Variants in LTBP2 observed in about 807,000 individuals in gnomAD.
The protein encoded by LTBP2 is latent-transforming growth factor beta-binding protein 2.
A neutral mutation model predicts 210.6 loss-of-function variants in LTBP2; 103 were observed. The ratio of observed to expected loss-of-function variants is 0.49; its 90% CI spans 0.42 to 0.58. The LOEUF (loss-of-function observed/expected upper bound fraction) is 0.58, where lower values mean the gene tolerates loss of function less well. Ranked by LOEUF, LTBP2 falls within the 20% of genes least tolerant of loss-of-function variation. The pLI, the probability that LTBP2 is intolerant of heterozygous loss-of-function variation, is 0.00. For synonymous variants in LTBP2, 1,007 were observed against 1,015.0 expected, an observed-to-expected ratio of 0.99 and a Z score of 0.15; for missense variants, 2,313 against 2,494.5, an observed-to-expected ratio of 0.93 and a Z score of 1.55.
intron 3 of LTBP2, among the ~76,000 whole-genome samples, chr14:74,583,819 A>G (rs1443345147): frequency 6.6e-6 from 1 of 152,228 alleles, no homozygotes; most frequent in Non-Finnish European, 1.5e-5. Context: ...AGTCCCTGTG[A>G]GCTCCCGGGT....
chr14:74,566,360 G>T (rs1290376911), intron 3 of LTBP2, among the ~76,000 whole-genome samples: 1 of 152,204 alleles, frequency 6.6e-6, no homozygotes, highest in African/African-American at 2.4e-5. Flanking sequence ...CTAGGAGAAA[G>T]CTCCAAGAGA....
intron 13 of LTBP2, 79 bp downstream of exon 13, chr14:74,527,268 C>G (rs1353984572): frequency 2.0e-5 from 30 of 1,534,026 alleles, no homozygotes; most frequent in Non-Finnish European, 2.6e-5. Context: ...TCATGAGACA[C>G]TGCCCTGGGG....
In LTBP2 at chr14:74,511,358, T is replaced by C; in HGVS notation, c.2915A>G (p.Asn972Ser). 1.2e-6 allele frequency: 2 copies of C among 1,614,050 alleles called. No homozygotes were observed. The highest frequency in any genetic ancestry group is 1.7e-6 in the Non-Finnish European group (2 of 1,179,986). ...GCAGGTACCGGGGTGACGGCATTCG[T>C]TGATATCTGCAAAACAGCAGCCCCT... Reference protein sequence around the residue: ...MVRKGHCQDINECRHPGTCPD... With the variant: ...MVRKGHCQDISECRHPGTCPD... The change falls in exon 19 of 36, where the codon AAC (asparagine) becomes AGC (serine). Residue 972 changes from asparagine to serine, a missense_variant. Asn to Ser is a conservative substitution (Grantham distance 46). This residue lies in a region of LTBP2 where 1,867 missense variants were observed against 1,976.9 expected (regional missense o/e 0.94). Transcript: ENST00000261978.
At chr14:74,556,706 C>T (rs1373510112) in intron 3 of LTBP2, among the ~76,000 whole-genome samples, 1 of 152,148 alleles carries the variant, frequency 6.6e-6, no homozygotes, top group African/African-American at 2.4e-5. Context: ...TTAGTAGAGA[C>T]AAGATTTTGC....
rs1464520181 is a variant in LTBP2 at position 74,611,525 on chromosome 14, C to A, written c.420G>T (p.Pro140=). 3.9e-6 allele frequency: 6 copies of A among 1,544,770 alleles called. No homozygotes were observed. In the South Asian group the frequency reaches 4.8e-5, roughly 12 times the overall value. Residue 140 remains proline (P), a synonymous_variant, in exon 1 of 36, where the codon CCG becomes CCT. Transcript: ENST00000261978. The stretch of plus-strand genomic sequence containing the variant: ...GTGGGGTCCCCAGGCGTGGGAGAGC[C>A]GGCGCGGCCCGGGTCCGGGGTGCTG... ...QQPAPRTRAA[P]ALPRLGTPQR...
intron 2 of LTBP2, among the ~76,000 whole-genome samples, chr14:74,597,198 C>T (rs2088378457): frequency 2.0e-5 from 3 of 152,218 alleles, no homozygotes; most frequent in Admixed American, 2.0e-4. Flanking sequence ...GCATTTGGCA[C>T]ATCCAGGCAG....
Position 74,611,684 on chromosome 14 carries a change from C to T in LTBP2, c.261G>A (p.Arg87=). 1.3e-6 allele frequency: 2 copies of T among 1,575,324 alleles called. No individual in the cohort carries two copies. Among genetic ancestry groups the T allele is most frequent in the South Asian group, 1.1e-5 (1 of 87,874 alleles). The change falls in exon 1 of 36, where the codon CGG becomes CGA. Residue 87 remains arginine, a synonymous_variant. Transcript: ENST00000261978. ...APVAGLQPVE[R]AQPGWGSPRR... Reference sequence around the variant, plus strand: ...TGGGGCTCCCCCAGCCCGGCTGGGCCCGCTCCACGGGCTGCAAGCCCGCGA... The same window carrying T: ...TGGGGCTCCCCCAGCCCGGCTGGGCTCGCTCCACGGGCTGCAAGCCCGCGA...
At chr14:74,582,393 TACATACACACACAC>T (rs1190920740) in intron 3 of LTBP2, among the ~76,000 whole-genome samples, 4 of 87,518 alleles carry the variant, frequency 4.6e-5, no homozygotes, top group African/African-American at 1.9e-4. Context: ...CACACACACA[TACATACACACACAC>T]ACACACACAC....
At chr14:74,537,257 AG>A (rs2087433518) in intron 8 of LTBP2, among the ~76,000 whole-genome samples, 1 of 152,178 alleles carries the variant, frequency 6.6e-6, no homozygotes, top group African/African-American at 2.4e-5. Context: ...CCTCTTGAAA[AG>A]CTCTAGCAGG....
At chr14:74,574,894 G>A (rs1182300507) in intron 3 of LTBP2, among the ~76,000 whole-genome samples, 1 of 152,234 alleles carries the variant, frequency 6.6e-6, no homozygotes. Flanking sequence ...GTAGAAAGCA[G>A]ACACCATTTC....
At chr14:74,503,042 C>T (rs1265142185) in intron 33 of LTBP2, 108 bp from the exon 34 acceptor site, 31 of 1,513,416 alleles carry the variant, frequency 2.0e-5, no homozygotes, top group Non-Finnish European at 2.6e-5. Flanking sequence ...CTGGGAGATC[C>T]TGGCAACATT....
At chr14:74,550,882 A>C (rs1011390857) in intron 7 of LTBP2, among the ~76,000 whole-genome samples, 182 bp downstream of exon 7, 2 of 152,218 alleles carry the variant, frequency 1.3e-5, no homozygotes, top group African/African-American at 4.8e-5. Context: ...CCCAGGAAGG[A>C]GGCCCAGACT....
chr14:74,552,173 G>A lies in LTBP2; in HGVS notation c.1399+14C>T. The A allele has an allele frequency of 6.3e-7, 1 of 1,587,290 alleles. No individual in the cohort carries two copies. Reference sequence around the variant, plus strand: ...CTCCCAGGGTCCCGCCGGCCCAGCTGTGCCGGCACTCACCCAGCTGGTTGG... The same window carrying A: ...CTCCCAGGGTCCCGCCGGCCCAGCTATGCCGGCACTCACCCAGCTGGTTGG... On this transcript the variant is annotated intron_variant, in intron 6 of 35. Transcript: ENST00000261978.
At chr14:74,603,592 C>T (rs374846651) in intron 2 of LTBP2, 43 bp downstream of exon 2, 14 of 1,604,036 alleles carry the variant, frequency 8.7e-6, no homozygotes, top group South Asian at 3.3e-5. Context: ...TGGCACTTCA[C>T]GTTTGATAGA....
At chr14:74,534,347 G>A (rs546491392) in intron 9 of LTBP2, among the ~76,000 whole-genome samples, 54 of 152,308 alleles carry the variant, frequency 3.5e-4, no homozygotes, top group African/African-American at 1.2e-3. Context: ...GGCATCTCCC[G>A]TGTGTACACA....
In LTBP2 at chr14:74,508,963, A is replaced by G. The variant is rs2087030759; in HGVS notation, c.3404-11T>C. On this transcript the variant is annotated splice_polypyrimidine_tract_variant and intron_variant, in intron 22 of 35. Coordinates refer to ENST00000261978, the MANE Select transcript of LTBP2 (RefSeq NM_000428.3). ...CACATTCATCCACATCTGCAGGGCC[A>G]CACAGGGGAGGAAGACAGCCGATGG... 6.2e-7 allele frequency: 1 copy of G among 1,613,006 alleles called. No homozygotes were observed. The highest frequency in any genetic ancestry group is 1.7e-5 in the Admixed American group (1 of 59,996).
In LTBP2 at chr14:74,506,151, G is replaced by A. The variant is rs150801446; in HGVS notation, c.4074C>T (p.Ala1358=). 21 of 1,614,198 alleles carry A rather than the reference G, an allele frequency of 1.3e-5. No individual in the cohort carries two copies. The highest frequency in any genetic ancestry group is 5.3e-5 in the African/African-American group (4 of 75,046). ...ECELMLAVCG[A]ALCENVEGSF... ...AGCCCTCCACGTTCTCACAGAGCGC[G>A]GCCCCACATACCGCCAGCATAAGCT... The change falls in exon 28 of 36, where the codon GCC becomes GCT. Residue 1358 remains alanine, a synonymous_variant. Transcript: ENST00000261978.
At chr14:74,546,088 A>T (rs2087571966) in intron 8 of LTBP2, among the ~76,000 whole-genome samples, 1 of 152,204 alleles carries the variant, frequency 6.6e-6, no homozygotes, top group Admixed American at 6.5e-5. Flanking sequence ...ACTGAAGGGA[A>T]GCCATGAAGC....
intron 22 of LTBP2, 75 bp downstream of exon 22, chr14:74,509,163 C>A (rs568160458): frequency 5.6e-6 from 9 of 1,607,016 alleles, no homozygotes; most frequent in Non-Finnish European, 7.7e-6. Flanking sequence ...AGCAGCCCCC[C>A]ACCTGCTGGG....
Sources: allele counts gnomAD v4.1 joint callset (sites outside exome capture counted in the v4.1 genomes callset), GRCh38; gene constraint gnomAD v4.1.1; regional missense constraint gnomAD v4.1.1; transcripts MANE v1.5; gene names NCBI Gene and HGNC (gene_info 2026-07-23, HGNC 2026-07-21).